UXS1: variants seen among roughly 807,000 people sequenced by gnomAD.
The protein encoded by UXS1 is UDP-glucuronic acid decarboxylase 1.
UXS1 carries 33 observed loss-of-function variants against 62.6 expected under a neutral mutation model. That is an observed-to-expected ratio of 0.53 (90% confidence interval 0.40 to 0.70). UXS1 has a LOEUF of 0.70. Ranked by LOEUF, UXS1 falls within the 30% of genes least tolerant of loss-of-function variation. UXS1 has a pLI of 0.00. For synonymous variants in UXS1, 213 were observed against 206.8 expected, an observed-to-expected ratio of 1.03 and a Z score of -0.26; for missense variants, 434 against 556.3, an observed-to-expected ratio of 0.78 and a Z score of 2.21.
chr2:106,131,220 C>G (rs1278341440), intron 6 of UXS1, among the ~76,000 whole-genome samples: 1 of 149,652 alleles, frequency 6.7e-6, no homozygotes, highest in South Asian at 2.2e-4. Flanking sequence ...CGGCGCACCA[C>G]GAGACTATAT....
At chr2:106,106,148 G>A (rs749961955) in intron 10 of UXS1, among the ~76,000 whole-genome samples, 28 of 152,082 alleles carry the variant, frequency 1.8e-4, no homozygotes, top group Non-Finnish European at 3.5e-4. Flanking sequence ...GCAGATCACC[G>A]GAGGTCGGGA....
intron 4 of UXS1, among the ~76,000 whole-genome samples, chr2:106,160,860 C>G (rs1396019775): frequency 6.6e-6 from 1 of 152,192 alleles, no homozygotes; most frequent in Non-Finnish European, 1.5e-5. Context: ...TTGCTTTGTT[C>G]TTCTTCAATA....
At chr2:106,121,502 G>A (rs1381098033) in intron 9 of UXS1, among the ~76,000 whole-genome samples, 1 of 152,196 alleles carries the variant, frequency 6.6e-6, no homozygotes, top group Non-Finnish European at 1.5e-5. Flanking sequence ...AGAATAAAAT[G>A]CAATGATGTA....
chr2:106,130,637 TCTGCCCGGGCCTTCCGGGCTCCC>T (rs1387858483), intron 6 of UXS1, among the ~76,000 whole-genome samples: 1 of 152,200 alleles, frequency 6.6e-6, no homozygotes, highest in Non-Finnish European at 1.5e-5. Context: ...CAGGGGCCCC[TCTGCCCGGGCCTTCCGGGCTCCC>T]CTGACCAGGG....
chr2:106,124,313 C>A (rs994682878), intron 8 of UXS1, among the ~76,000 whole-genome samples: 6 of 152,200 alleles, frequency 3.9e-5, no homozygotes, highest in African/African-American at 9.6e-5. Context: ...GCCCATCTGT[C>A]CCTGGACTGG....
intron 1 of UXS1, among the ~76,000 whole-genome samples, chr2:106,186,172 C>G (rs1322879080): frequency 1.3e-5 from 2 of 152,160 alleles, no homozygotes; most frequent in Non-Finnish European, 2.9e-5. Context: ...AATGCACTGG[C>G]TGGAGAACAA....
Position 106,138,446 on chromosome 2 carries a change from G to A in UXS1, c.472+6744C>T, listed in dbSNP as rs545077567. On this transcript the variant is annotated intron_variant, in intron 6 of 14. Coordinates refer to ENST00000283148, the MANE Select transcript of UXS1 (RefSeq NM_001253875.2). ...CTCTAGAGGGAGGGGAGGCCCCCTC[G>A]GTCACCCACAAATGCAGACTCCTGA... 2.7e-4 allele frequency: 266 copies of A among 985,284 alleles called. 1 individual carries two copies. The highest frequency in any genetic ancestry group is 2.5e-3 in the African/African-American group (145 of 57,284). The allele number at this position is 985,284 out of a possible 1,614,324, so 61.0% of individuals were successfully genotyped here. A position where few individuals can be genotyped will look rare whatever the true frequency, so the allele number is the denominator to read the frequency against.
intron 1 of UXS1, among the ~76,000 whole-genome samples, chr2:106,167,217 C>T (rs1451127496): frequency 6.6e-6 from 1 of 152,240 alleles, no homozygotes; most frequent in Non-Finnish European, 1.5e-5. Flanking sequence ...CTACGGAAGC[C>T]TTTCCTGAGC....
At chr2:106,173,535 CAA>C (rs1275607053) in intron 1 of UXS1, among the ~76,000 whole-genome samples, 1 of 151,948 alleles carries the variant, frequency 6.6e-6, no homozygotes, top group Non-Finnish European at 1.5e-5. Context: ...GCCCAGGCAA[CAA>C]AGTGAGACTC....
intron 1 of UXS1, among the ~76,000 whole-genome samples, chr2:106,189,955 C>G (rs1315845737): frequency 6.6e-6 from 1 of 152,112 alleles, no homozygotes; most frequent in East Asian, 1.9e-4. Flanking sequence ...GTGGGTAGGT[C>G]CAGGCTGATG....
chr2:106,140,950 C>T (rs1681050604), intron 6 of UXS1, among the ~76,000 whole-genome samples: 1 of 152,284 alleles, frequency 6.6e-6, no homozygotes, highest in Non-Finnish European at 1.5e-5. Context: ...CAGGGAAGCA[C>T]AGGTGCTCTG....
At chr2:106,130,345 A>T (rs1156790884) in intron 6 of UXS1, among the ~76,000 whole-genome samples, 2 of 152,188 alleles carry the variant, frequency 1.3e-5, no homozygotes, top group Non-Finnish European at 2.9e-5. Flanking sequence ...CATTCACTTT[A>T]ACGTCACTAC....
chr2:106,166,171 T>G, intron 1 of UXS1, 88 bp from the exon 2 acceptor site: 1 of 1,304,576 alleles, frequency 7.7e-7, no homozygotes, highest in South Asian at 1.4e-5. Flanking sequence ...TTAACCAATA[T>G]TTTAAATTTT....
intron 1 of UXS1, among the ~76,000 whole-genome samples, chr2:106,175,554 C>T (rs1299696306): frequency 6.6e-6 from 1 of 152,114 alleles, no homozygotes; most frequent in African/African-American, 2.4e-5. Context: ...GCAAAAGATA[C>T]ACTATATGAT....
intron 1 of UXS1, among the ~76,000 whole-genome samples, chr2:106,169,330 G>A (rs1206039898): frequency 2.6e-5 from 4 of 152,204 alleles, no homozygotes; most frequent in Non-Finnish European, 4.4e-5. Context: ...CCTTTTGGCA[G>A]ACTTTTCAAA....
chr2:106,137,190 G>A (rs1680727945), intron 6 of UXS1, among the ~76,000 whole-genome samples: 1 of 152,104 alleles, frequency 6.6e-6, no homozygotes, highest in Non-Finnish European at 1.5e-5. Flanking sequence ...AAGTTATTCT[G>A]AGCTGAAAAA....
chr2:106,179,533 G>A (rs906134017), intron 1 of UXS1: 2 of 152,180 alleles, frequency 1.3e-5, no homozygotes, highest in African/African-American at 4.8e-5. Context: ...CAGAGGAAAT[G>A]GAAGATTACA....
intron 6 of UXS1, among the ~76,000 whole-genome samples, chr2:106,141,883 T>C (rs1039231560): frequency 1.3e-5 from 2 of 150,150 alleles, no homozygotes; most frequent in South Asian, 4.3e-4. Flanking sequence ...TTTGGTTTTT[T>C]TTTTTGAGAT....
intron 5 of UXS1, among the ~76,000 whole-genome samples, chr2:106,150,159 TC>T (rs1224823677): frequency 6.6e-6 from 1 of 152,238 alleles, no homozygotes; most frequent in African/African-American, 2.4e-5. Context: ...TTGCATGGCT[TC>T]TTTTAACTAC....
Sources: gnomAD v4.1 joint callset for allele counts (sites outside exome capture counted in the v4.1 genomes callset) on GRCh38, gnomAD v4.1.1 for gene constraint, MANE v1.5 for transcripts, NCBI Gene and HGNC (gene_info 2026-07-23, HGNC 2026-07-21) for gene names.